AKAP10: variants seen among roughly 807,000 people sequenced by gnomAD.
AKAP10 encodes the protein A-kinase anchor protein 10, mitochondrial.
AKAP10 carries 24 observed loss-of-function variants against 80.8 expected under a neutral mutation model. The observed-to-expected ratio is 0.30, with a 90% CI of 0.22 to 0.42. The LOEUF (loss-of-function observed/expected upper bound fraction) is 0.42. Among genes scored for constraint, AKAP10 ranks in the 10% least tolerant of loss-of-function variants. The probability of loss-of-function intolerance (pLI) is 1.00; values close to 1 mark genes in which losing one functional copy is unlikely to be tolerated. For missense variants in AKAP10, 661 were observed against 794.9 expected (o/e 0.83, Z 2.03); for synonymous variants, 291 against 277.7 (o/e 1.05, Z -0.48).
intron 1 of AKAP10, among the ~76,000 whole-genome samples, chr17:19,968,935 ACTAG>A (rs1188738188): frequency 2.6e-5 from 4 of 152,356 alleles, no homozygotes; most frequent in African/African-American, 9.6e-5. Context: ...CATCCATAGT[ACTAG>A]CTACTAGAAG....
At chr17:19,910,339 A>AAAAAAAAAAAAC (rs1425341451) in intron 12 of AKAP10, among the ~76,000 whole-genome samples, 5 of 151,622 alleles carry the variant, frequency 3.3e-5, no homozygotes, top group African/African-American at 1.2e-4. Flanking sequence ...AAAAAAAAAA[A>AAAAAAAAAAAAC]AAACCACTAT....
At chr17:19,962,690 C>A in intron 3 of AKAP10, 150 bp downstream of exon 3, 2 of 761,928 alleles carry the variant, frequency 2.6e-6, no homozygotes, top group Non-Finnish European at 4.1e-6. Flanking sequence ...GAACACAACA[C>A]AGCTACCCAT....
intron 14 of AKAP10, 125 bp from the exon 15 acceptor site, chr17:19,906,357 A>G: frequency 1.0e-6 from 1 of 1,004,588 alleles, no homozygotes; most frequent in African/African-American, 1.6e-5. Flanking sequence ...GACAGCCAGA[A>G]GCTGACTACA....
chr17:19,950,362 C>T (rs973734786), intron 4 of AKAP10, among the ~76,000 whole-genome samples: 3 of 152,254 alleles, frequency 2.0e-5, no homozygotes, highest in East Asian at 3.8e-4. Flanking sequence ...TTGTGAAAGC[C>T]GAGGCTGGAC....
intron 4 of AKAP10, among the ~76,000 whole-genome samples, chr17:19,954,357 G>T (rs1390154377): frequency 1.3e-5 from 2 of 151,600 alleles, no homozygotes; most frequent in African/African-American, 4.8e-5. Context: ...TTCAACAAAT[G>T]GTATTAGAAC....
chr17:19,909,664 C>T (rs1401525890), intron 13 of AKAP10, among the ~76,000 whole-genome samples: 1 of 152,192 alleles, frequency 6.6e-6, no homozygotes, highest in Non-Finnish European at 1.5e-5. Flanking sequence ...ATTACTGATG[C>T]CTGCTGGCTG....
chr17:19,944,919 T>C (rs927193522), intron 5 of AKAP10, among the ~76,000 whole-genome samples: 3 of 152,230 alleles, frequency 2.0e-5, no homozygotes, highest in Admixed American at 1.3e-4. Context: ...CTATGCAAAG[T>C]GGGTACACAG....
intron 2 of AKAP10, among the ~76,000 whole-genome samples, chr17:19,964,486 T>C (rs1383770802): frequency 2.6e-5 from 4 of 152,260 alleles, no homozygotes; most frequent in Non-Finnish European, 4.4e-5. Context: ...TCTGTTCTTC[T>C]TTTATTCTTT....
Position 19,936,404 on chromosome 17 carries a change from G to A in AKAP10, c.1349C>T (p.Pro450Leu), listed in dbSNP as rs1324410347. 1 of 1,612,394 alleles carries A rather than the reference G, an allele frequency of 6.2e-7. No homozygotes were observed. Among genetic ancestry groups the A allele is most frequent in the East Asian group, 2.2e-5 (1 of 44,846 alleles). Reference protein sequence around the residue: ...DKYFSLQATHPLGFDDVVRLE... With the variant: ...DKYFSLQATHLLGFDDVVRLE... ...TCGTACAACATCATCAAATCCAAGA[G>A]GATGTGTGGCTTGGAGGGAGAAGTA... The change falls in exon 9 of 15, where the codon CCT becomes CTT. Residue 450 changes from proline (P) to leucine (L), a missense_variant. By Grantham distance (98) the Pro-to-Leu change is moderately conservative. Coordinates refer to ENST00000225737, the MANE Select transcript of AKAP10 (RefSeq NM_007202.4).
intron 1 of AKAP10, among the ~76,000 whole-genome samples, chr17:19,972,227 T>C (rs532386965): frequency 2.2e-4 from 33 of 152,268 alleles, no homozygotes; most frequent in Non-Finnish European, 4.4e-4. Context: ...TTACTAGTTT[T>C]GAAATGGCAT....
Position 19,977,633 on chromosome 17 carries a change from C to G in AKAP10, c.47G>C (p.Arg16Pro). The change falls in exon 1 of 15, where the codon CGT becomes CCT. Residue 16 changes from arginine to proline, a missense_variant. By Grantham distance (103) the Arg-to-Pro change is moderately radical. Transcript: ENST00000225737. ...GGACATGGCGGGGCCCGGGTCGGGA[C>G]GGAGGGTGCGGGGGGACTGGCGCGG... ...PSPRQSPRTL[R>P]PDPGPAMSFF... is the part of the protein sequence containing the mutation. 8.1e-7 allele frequency: 1 copy of G among 1,235,240 alleles called. No individual in the cohort carries two copies. Among genetic ancestry groups the G allele is most frequent in the Non-Finnish European group, 1.0e-6 (1 of 987,938 alleles). 76.5% of individuals were successfully genotyped at this position (1,235,240 alleles called of 1,614,324 possible). A position where few individuals can be genotyped will look rare whatever the true frequency, so the allele number is the denominator to read the frequency against.
intron 8 of AKAP10, 114 bp from the exon 9 acceptor site, chr17:19,936,544 A>G (rs1303718418): frequency 3.0e-6 from 3 of 1,000,114 alleles, no homozygotes; most frequent in East Asian, 2.6e-5. Context: ...CTGCAGGCCT[A>G]GAACTATAGA....
intron 9 of AKAP10, 159 bp downstream of exon 9, chr17:19,936,127 T>C (rs2042989599): frequency 1.5e-6 from 1 of 687,220 alleles, no homozygotes; most frequent in Non-Finnish European, 2.3e-6. Context: ...GGCACGTGAC[T>C]GTACATACCA....
chr17:19,939,770 T>C lies in AKAP10; in HGVS notation c.1265A>G (p.Lys422Arg), dbSNP rs569233357. ...CTCCTGTCCATCATATTGGCCCTTTTTGGCAGCAAGCTGAGACTGGAAGTT... is the reference window on the plus strand; with the variant it reads ...CTCCTGTCCATCATATTGGCCCTTTCTGGCAGCAAGCTGAGACTGGAAGTT... The part of the protein sequence containing the change: ...ADNFQSQLAA[K>R]KGQYDGQEAQ... The change falls in exon 8 of 15, where the codon AAA (lysine) becomes AGA (arginine). Residue 422 changes from lysine (K) to arginine (R), a missense_variant. Transcript: ENST00000225737. 1.9e-6 allele frequency: 3 copies of C among 1,614,126 alleles called. No individual in the cohort carries two copies. The highest frequency in any genetic ancestry group is 1.1e-5 in the South Asian group (1 of 91,080).
chr17:19,946,241 A>AT (rs2043115631), intron 5 of AKAP10, among the ~76,000 whole-genome samples: 7 of 10,744 alleles, frequency 6.5e-4, no homozygotes, highest in Admixed American at 3.7e-3. Context: ...TATATATTAT[A>AT]TATATATATA....
intron 14 of AKAP10, 84 bp from the exon 15 acceptor site, chr17:19,906,316 C>T: frequency 6.9e-7 from 1 of 1,455,910 alleles, no homozygotes; most frequent in Non-Finnish European, 9.5e-7. Context: ...TGGACACCAA[C>T]ACTTAGTGTT....
At chr17:19,912,353 A>G (rs980107743) in intron 12 of AKAP10, among the ~76,000 whole-genome samples, 35 of 152,310 alleles carry the variant, frequency 2.3e-4, no homozygotes, top group Admixed American at 2.0e-4. Context: ...CCTGGTCAAC[A>G]TAGTGAAACC....
chr17:19,949,177 C>A (rs1356065312), intron 4 of AKAP10, among the ~76,000 whole-genome samples: 1 of 151,712 alleles, frequency 6.6e-6, no homozygotes, highest in Non-Finnish European at 1.5e-5. Flanking sequence ...ACTCCTGAAA[C>A]AAATAAGAGT....
intron 10 of AKAP10, among the ~76,000 whole-genome samples, chr17:19,928,149 C>T (rs1402799610): frequency 2.0e-5 from 3 of 152,186 alleles, no homozygotes; most frequent in African/African-American, 7.2e-5. Flanking sequence ...CACTTGAACA[C>T]AGGAGGCGGA....
Sources: gnomAD v4.1 joint callset for allele counts (sites outside exome capture counted in the v4.1 genomes callset) on GRCh38, gnomAD v4.1.1 for gene constraint, MANE v1.5 for transcripts, NCBI Gene and HGNC (gene_info 2026-07-23, HGNC 2026-07-21) for gene names.